The following DIP2C variants were observed in gnomAD, a reference collection of about 807,000 sequenced individuals.
DIP2C encodes the protein disco-interacting protein 2 homolog C.
Under a neutral mutation model 192.4 loss-of-function variants are expected in DIP2C, and 33 were observed. The ratio of observed to expected loss-of-function variants is 0.17; its 90% CI spans 0.13 to 0.23. The LOEUF (loss-of-function observed/expected upper bound fraction) is 0.23. Ranked by LOEUF, DIP2C falls within the 10% of genes least tolerant of loss-of-function variation. The pLI is 1.00. For synonymous variants in DIP2C, 979 were observed against 864.1 expected, an observed-to-expected ratio of 1.13 and a Z score of -2.33; for missense variants, 1,537 against 2,110.1, an observed-to-expected ratio of 0.73 and a Z score of 5.32.
intron 9 of DIP2C, among the ~76,000 whole-genome samples, chr10:399,818 G>A (rs375449659): frequency 1.3e-5 from 2 of 152,226 alleles, no homozygotes; most frequent in East Asian, 1.9e-4. Flanking sequence ...CCAAGTTACT[G>A]GCACTAGGGC....
At chr10:290,543 T>TC (rs1436834697) in intron 32 of DIP2C, among the ~76,000 whole-genome samples, 1 of 152,140 alleles carries the variant, frequency 6.6e-6, no homozygotes, top group African/African-American at 2.4e-5. Context: ...GCTGACTCCT[T>TC]CCTCCGTGCC....
chr10:619,467 GCTC>G (rs1375051439), intron 1 of DIP2C, among the ~76,000 whole-genome samples: 2 of 145,994 alleles, frequency 1.4e-5, no homozygotes, highest in African/African-American at 2.6e-5. Flanking sequence ...AGCCCTGGCG[GCTC>G]CTCAACAGGA....
chr10:659,784 G>A (rs536302071), intron 1 of DIP2C, among the ~76,000 whole-genome samples: 9 of 152,140 alleles, frequency 5.9e-5, no homozygotes, highest in South Asian at 2.1e-4. Context: ...CCCACTTCCC[G>A]GGATCTGACC....
chr10:493,786 G>C (rs1179654050), intron 1 of DIP2C, among the ~76,000 whole-genome samples: 2 of 152,212 alleles, frequency 1.3e-5, no homozygotes, highest in Non-Finnish European at 2.9e-5. Flanking sequence ...AGACAACTAT[G>C]TCATTTAAAC....
chr10:596,383 C>G (rs1246064361), intron 1 of DIP2C, among the ~76,000 whole-genome samples: 1 of 149,368 alleles, frequency 6.7e-6, no homozygotes, highest in African/African-American at 2.5e-5. Context: ...GTAATCCCAG[C>G]TACTTGGGAG....
intron 4 of DIP2C, among the ~76,000 whole-genome samples, chr10:433,878 C>T (rs1472068306): frequency 6.6e-6 from 1 of 151,846 alleles, no homozygotes; most frequent in East Asian, 1.9e-4. Flanking sequence ...TTACTATTTT[C>T]TATCTGTTGC....
chr10:619,003 G>A (rs1472747860), intron 1 of DIP2C, among the ~76,000 whole-genome samples: 1 of 152,206 alleles, frequency 6.6e-6, no homozygotes, highest in Non-Finnish European at 1.5e-5. Context: ...AGCCCTCACT[G>A]TGTTCTGACT....
At chr10:454,328 C>A (rs951857068) in intron 3 of DIP2C, among the ~76,000 whole-genome samples, 7 of 152,264 alleles carry the variant, frequency 4.6e-5, no homozygotes, top group African/African-American at 1.7e-4. Context: ...AACTAAAATA[C>A]ATTTAACAGC....
Position 390,281 on chromosome 10 carries a change from C to T in DIP2C, c.1477G>A (p.Asp493Asn), listed in dbSNP as rs1291820559. The change falls in exon 12 of 37, where the codon GAC becomes AAC. Residue 493 changes from aspartate (D) to asparagine (N), a missense_variant. By Grantham distance (23) the Asp-to-Asn change is conservative. Around this residue, in one of 4 missense-constraint regions of DIP2C, gnomAD observed 677 missense variants for 989.9 expected, o/e 0.68. Transcript: ENST00000280886. ...WFPHIKDANN[D>N]TAYIEYKTCK... ...TGACTCACCTCAATATACGCAGTGT[C>T]GTTATTGGCATCTTTAATGTGTGGG... 3.7e-6 allele frequency: 6 copies of T among 1,613,698 alleles called. No individual in the cohort carries two copies. Among genetic ancestry groups the T allele is most frequent in the Admixed American group, 3.3e-5 (2 of 59,960 alleles).
At chr10:536,199 C>T (rs1381784453) in intron 1 of DIP2C, among the ~76,000 whole-genome samples, 1 of 152,242 alleles carries the variant, frequency 6.6e-6, no homozygotes, top group African/African-American at 2.4e-5. Context: ...CAGCTTGAAA[C>T]CACATCACGC....
At chr10:466,976 G>T (rs9794555) in intron 3 of DIP2C, among the ~76,000 whole-genome samples, 1 of 147,748 alleles carries the variant, frequency 6.8e-6, no homozygotes, top group East Asian at 2.1e-4. Flanking sequence ...TCAGTGTGGC[G>T]ATTCCTCAGG....
At chr10:469,013 A>G (rs1306444406) in intron 3 of DIP2C, among the ~76,000 whole-genome samples, 2 of 151,932 alleles carry the variant, frequency 1.3e-5, no homozygotes, top group African/African-American at 4.9e-5. Flanking sequence ...GTGCAGGTGC[A>G]TGAGCTGACA....
chr10:384,735 G>C (rs537480405), intron 14 of DIP2C, 96 bp from the exon 15 acceptor site: 9 of 1,258,976 alleles, frequency 7.1e-6, no homozygotes, highest in Admixed American at 5.2e-5. Context: ...GCACGGGCAG[G>C]GGGGAGCTCT....
At chr10:686,621 C>A (rs1831348224) in intron 1 of DIP2C, among the ~76,000 whole-genome samples, 1 of 152,288 alleles carries the variant, frequency 6.6e-6, no homozygotes, top group Non-Finnish European at 1.5e-5. Flanking sequence ...CACAAGAGGG[C>A]TGCCCAGCAC....
intron 31 of DIP2C, chr10:311,488 C>T (rs932747651): frequency 1.5e-5 from 18 of 1,229,978 alleles, no homozygotes; most frequent in East Asian, 1.3e-4. Flanking sequence ...GGCAAGGCAG[C>T]GGGGCTGGGC....
At chr10:664,943 T>C (rs1288349050) in intron 1 of DIP2C, 2 of 152,190 alleles carry the variant, frequency 1.3e-5, no homozygotes, top group Non-Finnish European at 2.9e-5. Context: ...AAAACCTTTA[T>C]AACGATGTTT....
intron 1 of DIP2C, among the ~76,000 whole-genome samples, chr10:520,226 A>G (rs528357099): frequency 4.9e-4 from 75 of 152,336 alleles, no homozygotes; most frequent in African/African-American, 1.7e-3. Context: ...ACGGGCCTTC[A>G]ACAAGCAGCG....
At chr10:680,322 C>T (rs796811188) in intron 1 of DIP2C, among the ~76,000 whole-genome samples, 6 of 152,326 alleles carry the variant, frequency 3.9e-5, no homozygotes, top group African/African-American at 1.2e-4. Context: ...GACATGAGCC[C>T]GGCCTCCTGC....
intron 1 of DIP2C, among the ~76,000 whole-genome samples, chr10:672,848 A>G (rs996080675): frequency 1.3e-5 from 2 of 152,260 alleles, no homozygotes; most frequent in South Asian, 2.1e-4. Context: ...AGAAGGTGCT[A>G]TACAGAAAAG....
Sources: gnomAD v4.1 joint callset for allele counts (sites outside exome capture counted in the v4.1 genomes callset) on GRCh38, gnomAD v4.1.1 for gene constraint, gnomAD v4.1.1 regional missense constraint, MANE v1.5 for transcripts, NCBI Gene and HGNC (gene_info 2026-07-23, HGNC 2026-07-21) for gene names.